OVCH1: variants seen among roughly 807,000 people sequenced by gnomAD.
The protein encoded by OVCH1 is ovochymase-1.
A neutral mutation model predicts 138.4 loss-of-function variants in OVCH1; 139 were observed. The observed-to-expected ratio is 1.00, with a 90% CI of 0.87 to 1.16. The LOEUF (loss-of-function observed/expected upper bound fraction) is 1.16. Among genes scored for constraint, OVCH1 ranks in the 50% most tolerant of loss-of-function variants. OVCH1 has a pLI of 0.00. For missense variants in OVCH1, 1,367 were observed against 1,357.9 expected, an observed-to-expected ratio of 1.01 and a Z score of -0.11; for synonymous variants, 453 against 467.8, an observed-to-expected ratio of 0.97 and a Z score of 0.41.
At chr12:29,436,987 G>A (rs1266292514) in intron 26 of OVCH1, among the ~76,000 whole-genome samples, 1 of 152,190 alleles carries the variant, frequency 6.6e-6, no homozygotes, top group Non-Finnish European at 1.5e-5. Context: ...CCCACATCCT[G>A]CTGATTGGTC....
intron 13 of OVCH1, 60 bp downstream of exon 13, chr12:29,476,146 A>G (rs1942703339): frequency 2.9e-6 from 4 of 1,367,568 alleles, no homozygotes; most frequent in Non-Finnish European, 4.2e-6. Flanking sequence ...AAGCCAGCCC[A>G]TGTTGCCACT....
chr12:29,440,880 C>A, intron 25 of OVCH1, 136 bp from the exon 26 acceptor site: 1 of 404,160 alleles, frequency 2.5e-6, no homozygotes, highest in South Asian at 1.9e-5. Flanking sequence ...TGGAGAGTGA[C>A]ACTTGTATCT....
chr12:29,411,367 AG>A (rs1253615874), downstream of OVCH1, among the ~76,000 whole-genome samples: 1 of 150,984 alleles, frequency 6.6e-6, no homozygotes, highest in African/African-American at 2.4e-5. Flanking sequence ...CCTTTGGAGG[AG>A]GAGAGGTGCT....
At chr12:29,425,700 T>C (rs1436471379), downstream of OVCH1, among the ~76,000 whole-genome samples, 1 of 152,152 alleles carries the variant, frequency 6.6e-6, no homozygotes, top group Non-Finnish European at 1.5e-5. Flanking sequence ...TGTTAAAAGA[T>C]TAAGAGTTTT....
chr12:29,449,598 C>T lies in OVCH1; in HGVS notation c.2755+1747G>A, dbSNP rs1426145621. Among the ~76,000 whole-genome samples the T allele has an allele frequency of 3.3e-5, 5 of 152,014 alleles. No individual in the cohort carries two copies. In the South Asian group the frequency reaches 8.3e-4, roughly 25 times the overall value. On this transcript the variant is annotated intron_variant, in intron 22 of 27. Coordinates refer to ENST00000318184, the Ensembl canonical transcript of OVCH1. ...TTCACATCCCTTGTAACTTGTATTC[C>T]TAGGTATTTTATTATCTTTATAGCA... is the stretch of plus-strand genomic sequence containing the variant.
intron 8 of OVCH1, among the ~76,000 whole-genome samples, chr12:29,485,974 AAAT>A (rs796465683): frequency 9.6e-3 from 93 of 9,668 alleles, no homozygotes; most frequent in East Asian, 0.052. Context: ...AAAATAAAAT[AAAT>A]AAATAAATAA....
At chr12:29,496,757 C>G (rs1306887023) in intron 1 of OVCH1, 83 bp from the exon 2 acceptor site, 7 of 1,042,088 alleles carry the variant, frequency 6.7e-6, no homozygotes, top group East Asian at 4.9e-5. Flanking sequence ...TTGGATTTTC[C>G]TGGCCTGGCA....
chr12:29,408,861 T>G (rs1182292887), downstream of OVCH1, among the ~76,000 whole-genome samples: 1 of 152,164 alleles, frequency 6.6e-6, no homozygotes, highest in Non-Finnish European at 1.5e-5. Context: ...TTCTATTGAT[T>G]GGAATAGTTT....
At chr12:29,443,487 A>G (rs770930412) in exon 25 of OVCH1, 2 of 1,602,962 alleles carry the variant, frequency 1.2e-6, no homozygotes, top group Admixed American at 1.7e-5. Flanking sequence ...GGGGCTACTA[A>G]TCTCCATTGG....
At chr12:29,479,361 C>T (rs927695707) in intron 8 of OVCH1, among the ~76,000 whole-genome samples, 2 of 152,196 alleles carry the variant, frequency 1.3e-5, no homozygotes, top group Non-Finnish European at 2.9e-5. Context: ...TAACCTTAAA[C>T]AGCCACATAT....
chr12:29,405,279 A>C, the OVCH1 span, among the ~76,000 whole-genome samples: 2 of 151,886 alleles, frequency 1.3e-5, no homozygotes, highest in African/African-American at 4.8e-5. Context: ...TGAATCAGCA[A>C]ATGCCAGTTT....
chr12:29,403,399 G>A, the OVCH1 span, among the ~76,000 whole-genome samples: 1 of 152,148 alleles, frequency 6.6e-6, no homozygotes, highest in South Asian at 2.1e-4. Context: ...TTTACCTAAA[G>A]CTGAACCATA....
chr12:29,478,636 G>T (rs936334507), intron 9 of OVCH1, among the ~76,000 whole-genome samples, 199 bp downstream of exon 10: 1 of 151,978 alleles, frequency 6.6e-6, no homozygotes, highest in Non-Finnish European at 1.5e-5. Context: ...CATTGCCCTT[G>T]GTAGAATAAA....
At position 29,477,375 on chromosome 12, in the gene OVCH1, C is replaced by A. The variant is rs768230005; in HGVS notation, c.1212G>T (p.Glu404Asp). 98 of 1,613,866 alleles carry A rather than the reference C, an allele frequency of 6.1e-5. No individual in the cohort carries two copies. The highest frequency in any genetic ancestry group is 7.7e-5 in the South Asian group (7 of 91,088). Residue 404 changes from glutamate (E) to aspartate (D), a missense_variant, in exon 11 of 28, where the codon GAG becomes GAT. Coordinates refer to ENST00000318184, the Ensembl canonical transcript of OVCH1. The stretch of plus-strand genomic sequence containing the variant: ...ACTTCTGTACAGCAGTAACGGTAAG[C>A]TCAAAGCCACTGCCACTGTCTTCTG...
chr12:29,402,499 G>T, the OVCH1 span, among the ~76,000 whole-genome samples: 1 of 151,944 alleles, frequency 6.6e-6, no homozygotes, highest in Non-Finnish European at 1.5e-5. Context: ...AGAGGGAAAA[G>T]AGAAAGACAG....
At position 29,415,493 on chromosome 12, in the gene OVCH1, T is replaced by TA. The variant is rs567771684; in HGVS notation, c.*72-2769dup. Among the ~76,000 whole-genome samples the TA allele has an allele frequency of 2.7e-4, 41 of 152,340 alleles. No homozygotes were observed. The South Asian group carries it at 4.6e-3, about 17-fold the overall frequency. On this transcript the variant is annotated intron_variant and NMD_transcript_variant, in intron 3 of 4. Coordinates refer to the OVCH1 transcript ENST00000539117. ...CTGCTAGGTTCAGGAAGGACCAGGA[T>TA]ATAAGGTCAACACAAAGAAGTCAAT...
intron 3 of OVCH1, among the ~76,000 whole-genome samples, chr12:29,413,024 C>CTTTTT (rs35540929): frequency 7.1e-6 from 1 of 140,926 alleles, no homozygotes; most frequent in Non-Finnish European, 1.6e-5. Flanking sequence ...CCAGCTAATT[C>CTTTTT]TTTTTTTTTT....
rs190477264 is a variant in OVCH1 at position 29,419,329 on chromosome 12, C to G, written c.*71+3798G>C. On this transcript the variant is annotated intron_variant and NMD_transcript_variant, in intron 3 of 4. Transcript: ENST00000539117. ...TTGAGATGGAATCTCATTCTGTCAC[C>G]CAGGCTGGAGTGCAGTGGCACAATT... Among the ~76,000 whole-genome samples the G allele has an allele frequency of 4.1e-3, 625 of 151,828 alleles. 5 individuals are homozygous for G. The highest frequency in any genetic ancestry group is 0.014 in the African/African-American group (574 of 41,354).
chr12:29,427,425 G>A (rs1941197616), downstream of OVCH1: 1 of 1,147,794 alleles, frequency 8.7e-7, no homozygotes, highest in African/African-American at 1.6e-5. Flanking sequence ...AGAAGAAAAG[G>A]TTAAGGAAGG....
Sources: allele counts gnomAD v4.1 joint callset (sites outside exome capture counted in the v4.1 genomes callset), GRCh38; gene constraint gnomAD v4.1.1; transcripts MANE v1.5; gene names NCBI Gene and HGNC (gene_info 2026-07-23, HGNC 2026-07-21).